CSMD1: variants seen among roughly 807,000 people sequenced by gnomAD.
CSMD1 encodes CUB and Sushi multiple domains 1.
CSMD1 carries 213 observed loss-of-function variants against 417.5 expected under a neutral mutation model. That is an observed-to-expected ratio of 0.51 (90% CI 0.46 to 0.57). CSMD1 has a LOEUF of 0.57. Ranked by LOEUF, CSMD1 falls within the 20% of genes least tolerant of loss-of-function variation. The probability of loss-of-function intolerance (pLI) is 0.00; values close to 1 mark genes in which losing one functional copy is unlikely to be tolerated. For missense variants in CSMD1, 6,923 were observed against 4,529.7 expected (o/e 1.53, Z -15.17); for synonymous variants, 2,862 against 1,736.8 (o/e 1.65, Z -16.11).
chr8:3,470,982 A>G (rs200938736), intron 11 of CSMD1, among the ~76,000 whole-genome samples: 1 of 145,320 alleles, frequency 6.9e-6, no homozygotes, highest in Admixed American at 7.4e-5. Flanking sequence ...TGCTTTGAAT[A>G]TGTGTGTGCA....
At chr8:3,991,696 G>T (rs13248586) in intron 5 of CSMD1, among the ~76,000 whole-genome samples, 7,430 of 152,200 alleles carry the variant, frequency 0.049, 247 homozygotes, top group East Asian at 0.12. Flanking sequence ...GATGAGAGTG[G>T]AGTGCCGACA....
chr8:3,616,198 T>C (rs1050613019), intron 8 of CSMD1, among the ~76,000 whole-genome samples: 16 of 152,184 alleles, frequency 1.1e-4, no homozygotes, highest in African/African-American at 3.1e-4. Flanking sequence ...GTAGCATCCA[T>C]AATCTCCACA....
chr8:3,858,667 G>A (rs532946850), intron 5 of CSMD1, among the ~76,000 whole-genome samples: 9 of 126,666 alleles, frequency 7.1e-5, no homozygotes, highest in Non-Finnish European at 1.1e-4. Context: ...ATAATCTTCA[G>A]GAGAACTTTT....
intron 1 of CSMD1, among the ~76,000 whole-genome samples, chr8:4,975,530 G>C (rs1810500470): frequency 6.6e-6 from 1 of 152,184 alleles, no homozygotes; most frequent in African/African-American, 2.4e-5. Flanking sequence ...TTATTTTTCA[G>C]ATGAAGGAAG....
Position 3,118,335 on chromosome 8 carries a change from A to C in CSMD1, c.6430+64T>G, listed in dbSNP as rs566913611. ...ATAAATTACTGGATATGTTCATTTA[A>C]TATTTAATGTGCTATTATGCCCATG... On this transcript the variant is annotated intron_variant, in intron 42 of 69. Coordinates refer to ENST00000635120, the MANE Select transcript of CSMD1 (RefSeq NM_033225.6). 2.7e-6 allele frequency: 3 copies of C among 1,115,846 alleles called. No homozygotes were observed. In the Admixed American group the frequency reaches 6.9e-5, roughly 26 times the overall value. The allele number at this position is 1,115,846 out of a possible 1,614,324, so 69.1% of individuals were successfully genotyped here.
At chr8:3,957,404 G>T (rs929502675) in intron 5 of CSMD1, among the ~76,000 whole-genome samples, 1 of 152,194 alleles carries the variant, frequency 6.6e-6, no homozygotes, top group Non-Finnish European at 1.5e-5. Flanking sequence ...CAGTCTGGGA[G>T]CAGTGGCTCC....
chr8:3,027,844 G>C (rs1257518621), intron 51 of CSMD1, among the ~76,000 whole-genome samples: 2 of 152,244 alleles, frequency 1.3e-5, no homozygotes, highest in Non-Finnish European at 2.9e-5. Flanking sequence ...CTCTACCTTT[G>C]CTTTCTTTCC....
At chr8:4,397,738 A>T (rs949643629) in intron 3 of CSMD1, among the ~76,000 whole-genome samples, 2 of 152,116 alleles carry the variant, frequency 1.3e-5, no homozygotes, top group Non-Finnish European at 2.9e-5. Flanking sequence ...AAATACAAAT[A>T]TGTTTGAATA....
At chr8:4,454,010 G>A (rs1029536344) in intron 2 of CSMD1, among the ~76,000 whole-genome samples, 4 of 151,576 alleles carry the variant, frequency 2.6e-5, no homozygotes, top group Middle Eastern at 3.2e-3. Context: ...TTTTAGTAGA[G>A]ACGGGGTTTC....
At chr8:4,816,777 T>A (rs112019465) in intron 1 of CSMD1, among the ~76,000 whole-genome samples, 1 of 151,998 alleles carries the variant, frequency 6.6e-6, no homozygotes, top group Non-Finnish European at 1.5e-5. Flanking sequence ...AGGATGGGGA[T>A]GAAGGAACAG....
At chr8:4,031,258 T>A (rs952126797) in intron 4 of CSMD1, among the ~76,000 whole-genome samples, 1 of 152,192 alleles carries the variant, frequency 6.6e-6, no homozygotes, top group East Asian at 1.9e-4. Context: ...AAGACATACC[T>A]GAGCCTGGGC....
intron 23 of CSMD1, 24 bp downstream of exon 23, chr8:3,343,270 G>C: frequency 6.3e-7 from 1 of 1,599,432 alleles, no homozygotes; most frequent in East Asian, 2.2e-5. Context: ...AAAAAAGAAC[G>C]TGATTAAGTC....
At chr8:4,677,939 C>T (rs971806704) in intron 1 of CSMD1, among the ~76,000 whole-genome samples, 5 of 151,914 alleles carry the variant, frequency 3.3e-5, no homozygotes, top group Non-Finnish European at 5.9e-5. Flanking sequence ...AGGTATAAAA[C>T]ACTAGAAAAA....
At chr8:3,299,332 A>G (rs1329345301) in intron 25 of CSMD1, among the ~76,000 whole-genome samples, 2 of 152,112 alleles carry the variant, frequency 1.3e-5, no homozygotes, top group African/African-American at 2.4e-5. Context: ...GACACCTGTA[A>G]TCCCAGCTAC....
rs1213338039 is a variant in CSMD1, at chr8:4,364,547, G to A, written c.415+55406C>T. 8.7e-4 allele frequency among the ~76,000 whole-genome samples: 15 copies of A among 17,166 alleles called. 6 individuals are homozygous for A. The highest frequency in any genetic ancestry group is 6.9e-3 in the African/African-American group (7 of 1,008). The allele number at this position is 17,166 out of a possible 152,430, so 11.3% of individuals were successfully genotyped here. A position where few individuals can be genotyped will look rare whatever the true frequency, so the allele number is the denominator to read the frequency against. Reference sequence around the variant, plus strand: ...TTTTTTAAAAAGATAATCAATGGCCGGGCGCGGTGGCTCACGCCTGTAATC... The same window carrying A: ...TTTTTTAAAAAGATAATCAATGGCCAGGCGCGGTGGCTCACGCCTGTAATC... On this transcript the variant is annotated intron_variant, in intron 3 of 69. Transcript: ENST00000635120.
At chr8:3,372,520 A>G (rs1810026804) in intron 18 of CSMD1, among the ~76,000 whole-genome samples, 3 of 152,292 alleles carry the variant, frequency 2.0e-5, no homozygotes, top group South Asian at 4.2e-4. Context: ...ATGGGAAGAC[A>G]TGGTCTGAAC....
chr8:4,205,496 C>T (rs1473292078), intron 3 of CSMD1, among the ~76,000 whole-genome samples: 1 of 152,098 alleles, frequency 6.6e-6, no homozygotes, highest in Non-Finnish European at 1.5e-5. Context: ...ACAAGCCACT[C>T]GAGGTAACTA....
intron 36 of CSMD1, among the ~76,000 whole-genome samples, chr8:3,186,052 T>G (rs1376464652): frequency 3.3e-5 from 5 of 151,500 alleles, no homozygotes; most frequent in Admixed American, 6.6e-5. Flanking sequence ...AAAAAAAAAG[T>G]GTGACTTTTT....
At chr8:3,274,770 C>T (rs575022316) in intron 26 of CSMD1, among the ~76,000 whole-genome samples, 261 of 151,742 alleles carry the variant, frequency 1.7e-3, no homozygotes, top group Middle Eastern at 0.017. Flanking sequence ...TTTTTGTTTT[C>T]CATTTGCTTG....
Sources: allele counts gnomAD v4.1 joint callset (sites outside exome capture counted in the v4.1 genomes callset), GRCh38; gene constraint gnomAD v4.1.1; transcripts MANE v1.5; gene names NCBI Gene and HGNC (gene_info 2026-07-23, HGNC 2026-07-21).